LONP2: variants seen among roughly 807,000 people sequenced by gnomAD.
LONP2 encodes lon protease homolog 2, peroxisomal.
LONP2 carries 60 observed loss-of-function variants against 85.6 expected under a neutral mutation model. The ratio of observed to expected loss-of-function variants is 0.70; its 90% confidence interval spans 0.57 to 0.87. The LOEUF is 0.87. Among genes scored for constraint, LONP2 ranks in the 40% least tolerant of loss-of-function variants. The pLI, the probability that LONP2 is intolerant of heterozygous loss-of-function variation, is 0.00. For synonymous variants in LONP2, 395 were observed against 389.7 expected (o/e 1.01, Z -0.16); for missense variants, 860 against 1,063.5 (o/e 0.81, Z 2.66).
At position 48,253,925 on chromosome 16, in the gene LONP2, A is replaced by G. The variant is rs111969039; in HGVS notation, c.468+1560A>G. Among the ~76,000 whole-genome samples the G allele has an allele frequency of 7.9e-3, 1,201 of 152,272 alleles. 18 individuals are homozygous for G. Among genetic ancestry groups the G allele is most frequent in the African/African-American group, 0.027 (1,132 of 41,556 alleles). ...CATATTAAGTACTTTTGTTAATTTC[A>G]TTGAGTTAATGTATACTAATTTTAT... On this transcript the variant is annotated intron_variant, in intron 2 of 14. Coordinates refer to ENST00000285737, the MANE Select transcript of LONP2 (RefSeq NM_031490.5).
Position 48,356,776 on chromosome 16 carries a change from G to A in LONP2, c.*4974G>A, listed in dbSNP as rs1365771833. 7.3e-6 allele frequency: 2 copies of A among 273,406 alleles called. No individual in the cohort carries two copies. The highest frequency in any genetic ancestry group is 2.0e-4 in the East Asian group (2 of 10,204). The allele number at this position is 273,406 out of a possible 1,614,324, so 16.9% of individuals were successfully genotyped here. A position where few individuals can be genotyped will look rare whatever the true frequency, so the allele number is the denominator to read the frequency against. On this transcript the variant is annotated 3_prime_UTR_variant, in exon 15 of 15. Transcript: ENST00000285737. ...GACTTCTAAAACAATTTTAGGAAAA[G>A]CTTTGTCATGAAAATTCATTTCTTT...
At position 48,351,681 on chromosome 16, in the gene LONP2, G is replaced by C; in HGVS notation, c.2438G>C (p.Gly813Ala). 1.2e-6 allele frequency: 2 copies of C among 1,614,172 alleles called. No individual in the cohort carries two copies. Among genetic ancestry groups the C allele is most frequent in the Non-Finnish European group, 1.7e-6 (2 of 1,180,024 alleles). Residue 813 changes from glycine (G) to alanine (A), a missense_variant, in exon 15 of 15, where the codon GGC (glycine) becomes GCC (alanine). Transcript: ENST00000285737. ...GAAAAAGACCTTGAGGGAATCCCAGGCAACGTACGACAGGATTTAAGTTTT... is the reference window on the plus strand; with the variant it reads ...GAAAAAGACCTTGAGGGAATCCCAGCCAACGTACGACAGGATTTAAGTTTT... Reference protein sequence around the residue: ...RNEKDLEGIPGNVRQDLSFVT... With the variant: ...RNEKDLEGIPANVRQDLSFVT...
intron 11 of LONP2, among the ~76,000 whole-genome samples, chr16:48,322,513 C>T (rs959993331): frequency 6.6e-5 from 10 of 152,096 alleles, no homozygotes; most frequent in Admixed American, 5.9e-4. Flanking sequence ...TCTGAAGGAC[C>T]TGCCTGAGGC....
intron 11 of LONP2, among the ~76,000 whole-genome samples, chr16:48,316,610 G>A (rs2151012134): frequency 6.6e-6 from 1 of 151,754 alleles, no homozygotes; most frequent in East Asian, 1.9e-4. Context: ...TACAGGCATG[G>A]GCCACCACAC....
At chr16:48,284,541 A>G (rs1409766793) in intron 8 of LONP2, among the ~76,000 whole-genome samples, 1 of 152,244 alleles carries the variant, frequency 6.6e-6, no homozygotes, top group Non-Finnish European at 1.5e-5. Flanking sequence ...CAAAATGACA[A>G]CAACTAACAC....
At position 48,244,315 on chromosome 16, in the gene LONP2, T is replaced by C; in HGVS notation, c.-74T>C. On this transcript the variant is annotated 5_prime_UTR_variant, in exon 1 of 15. Transcript: ENST00000285737. ...GCGTGGAGGCGGGTCTGAGGTTTGG[T>C]GACTGCGGGGCAGGCCGGGGGCAGC... 8.6e-7 allele frequency: 1 copy of C among 1,160,584 alleles called. No homozygotes were observed. Among genetic ancestry groups the C allele is most frequent in the South Asian group, 1.6e-5 (1 of 61,204 alleles). The allele number at this position is 1,160,584 out of a possible 1,614,324, so 71.9% of individuals were successfully genotyped here. A position where few individuals can be genotyped will look rare whatever the true frequency, so the allele number is the denominator to read the frequency against.
At chr16:48,342,354 A>G (rs769910689) in intron 12 of LONP2, among the ~76,000 whole-genome samples, 1 of 152,174 alleles carries the variant, frequency 6.6e-6, no homozygotes, top group Admixed American at 6.5e-5. Context: ...CAAGCAAACA[A>G]AATTAGCTGC....
At chr16:48,268,413 T>C (rs1338343827) in intron 6 of LONP2, among the ~76,000 whole-genome samples, 1 of 152,202 alleles carries the variant, frequency 6.6e-6, no homozygotes, top group Non-Finnish European at 1.5e-5. Context: ...CCTTTTTAGG[T>C]ACAAGATGAT....
At chr16:48,338,358 C>T (rs1428433406) in intron 12 of LONP2, among the ~76,000 whole-genome samples, 1 of 152,114 alleles carries the variant, frequency 6.6e-6, no homozygotes. Flanking sequence ...ATAGAGAAAA[C>T]AAACAGGGTG....
In LONP2 at chr16:48,256,683, A is replaced by G; in HGVS notation, c.542A>G (p.Glu181Gly). Residue 181 changes from glutamate (E) to glycine (G), a missense_variant, in exon 3 of 15, where the codon GAA becomes GGA. Transcript: ENST00000285737. ...CGTCTTTTAGATAGTCTTCCAAGGGAAGCTTTACCAGACATCTTGACATCA... is the reference window on the plus strand; with the variant it reads ...CGTCTTTTAGATAGTCTTCCAAGGGGAGCTTTACCAGACATCTTGACATCA... ...LRRLLDSLPR[E>G]ALPDILTSII... 6.2e-7 allele frequency: 1 copy of G among 1,613,956 alleles called. No homozygotes were observed. The highest frequency in any genetic ancestry group is 8.5e-7 in the Non-Finnish European group (1 of 1,179,894).
At chr16:48,264,459 G>A (rs963927364) in intron 6 of LONP2, among the ~76,000 whole-genome samples, 3 of 152,154 alleles carry the variant, frequency 2.0e-5, no homozygotes, top group African/African-American at 7.2e-5. Context: ...GCTCACCAGC[G>A]GTCAGAGTTT....
At position 48,270,052 on chromosome 16, in the gene LONP2, A is replaced by T. The variant is rs754835794; in HGVS notation, c.1019A>T (p.Asp340Val). Residue 340 changes from aspartate to valine, a missense_variant, in exon 7 of 15, where the codon GAT becomes GTT. Physicochemically the swap from Asp to Val is radical, Grantham distance 152. Around this residue, in one of 3 missense-constraint regions of LONP2, gnomAD observed 743 missense variants for 917.3 expected, o/e 0.81. Coordinates refer to ENST00000285737, the MANE Select transcript of LONP2 (RefSeq NM_031490.5). ...ATTAGGGCAGCCCGGATTCTTCTGGATAATGACCATTACGCCATGGAAAAA... is the reference window on the plus strand; with the variant it reads ...ATTAGGGCAGCCCGGATTCTTCTGGTTAATGACCATTACGCCATGGAAAAA... Reference protein sequence around the residue: ...LDIRAARILLDNDHYAMEKLK... With the variant: ...LDIRAARILLVNDHYAMEKLK... 1 of 1,613,996 alleles carries T rather than the reference A, an allele frequency of 6.2e-7. No individual in the cohort carries two copies. Among genetic ancestry groups the T allele is most frequent in the Non-Finnish European group, 8.5e-7 (1 of 1,179,944 alleles).
chr16:48,278,595 C>T (rs1972263702), intron 8 of LONP2, among the ~76,000 whole-genome samples: 1 of 152,208 alleles, frequency 6.6e-6, no homozygotes. Flanking sequence ...TACTTTGCCT[C>T]CATTTTACTT....
chr16:48,248,109 T>C (rs1971505874), intron 1 of LONP2, among the ~76,000 whole-genome samples: 2 of 152,098 alleles, frequency 1.3e-5, no homozygotes, highest in Non-Finnish European at 2.9e-5. Flanking sequence ...CTTGTAACCA[T>C]GTACACCTAA....
chr16:48,267,132 A>G (rs529470024), intron 6 of LONP2, among the ~76,000 whole-genome samples: 29 of 152,300 alleles, frequency 1.9e-4, no homozygotes, highest in Non-Finnish European at 3.8e-4. Flanking sequence ...TGTAGCAGCC[A>G]TGTATCCATC....
At chr16:48,260,522 C>T (rs544499969) in intron 4 of LONP2, among the ~76,000 whole-genome samples, 1 of 152,298 alleles carries the variant, frequency 6.6e-6, no homozygotes, top group African/African-American at 2.4e-5. Flanking sequence ...TTACTTGAGC[C>T]AGGGAGGTTG....
chr16:48,314,037 T>C lies in LONP2; in HGVS notation c.1795+10732T>C, dbSNP rs146100227. Among the ~76,000 whole-genome samples, 504 of 152,332 alleles carry C rather than the reference T, an allele frequency of 3.3e-3. 2 individuals carry two copies. Among genetic ancestry groups the C allele is most frequent in the African/African-American group, 0.011 (478 of 41,574 alleles). ...GATGGTATCTCATTGTAGTTTTTAT[T>C]TGCATTTCTCTAATGATCAGTGATG... On this transcript the variant is annotated intron_variant, in intron 11 of 14. Transcript: ENST00000285737.
At chr16:48,247,748 C>T (rs1971489960) in intron 1 of LONP2, among the ~76,000 whole-genome samples, 1 of 152,216 alleles carries the variant, frequency 6.6e-6, no homozygotes, top group East Asian at 1.9e-4. Flanking sequence ...TCAAGCATTT[C>T]AAGATGGTCA....
At chr16:48,322,288 G>T (rs1463568839) in intron 11 of LONP2, among the ~76,000 whole-genome samples, 1 of 152,092 alleles carries the variant, frequency 6.6e-6, no homozygotes, top group Non-Finnish European at 1.5e-5. Flanking sequence ...ACAACTTCTG[G>T]CATAAATGGG....
Sources: gnomAD v4.1 joint callset for allele counts (sites outside exome capture counted in the v4.1 genomes callset) on GRCh38, gnomAD v4.1.1 for gene constraint, gnomAD v4.1.1 regional missense constraint, MANE v1.5 for transcripts, NCBI Gene and HGNC (gene_info 2026-07-23, HGNC 2026-07-21) for gene names.